PATJ: variants seen among roughly 807,000 people sequenced by gnomAD.
PATJ encodes the protein PATJ crumbs cell polarity complex component, also known as inaD-like protein.
Under a neutral mutation model 224.9 loss-of-function variants are expected in PATJ, and 190 were observed. The observed-to-expected ratio is 0.84, with a 90% CI of 0.75 to 0.95. The LOEUF is 0.95. Among genes scored for constraint, PATJ ranks in the 40% least tolerant of loss-of-function variants. PATJ has a pLI of 0.00. For missense variants in PATJ, 2,121 were observed against 2,270.3 expected, an observed-to-expected ratio of 0.93 and a Z score of 1.34; for synonymous variants, 769 against 820.3, an observed-to-expected ratio of 0.94 and a Z score of 1.07.
At chr1:61,800,053 AT>A (rs1208781238) in intron 11 of PATJ, among the ~76,000 whole-genome samples, 1 of 152,246 alleles carries the variant, frequency 6.6e-6, no homozygotes, top group African/African-American at 2.4e-5. Flanking sequence ...TGAAATAAAC[AT>A]ACAAGTACAT....
At chr1:62,114,942 G>A (rs1413793646) in intron 35 of PATJ, 1 of 151,472 alleles carries the variant, frequency 6.6e-6, no homozygotes, top group African/African-American at 2.4e-5. Flanking sequence ...AAAAAAGAAA[G>A]ATGTCCCCAA....
In PATJ at chr1:61,936,432, CAAAAA is replaced by C. The variant is rs11455787; in HGVS notation, c.3670+8618_3670+8622del. On this transcript the variant is annotated intron_variant, in intron 27 of 43. Coordinates refer to ENST00000642238, the MANE Select transcript of PATJ (RefSeq NM_001350145.3). ...CTCACCTCCTCTCCTCTTCCAAGAC[CAAAAA>C]AAAAAAAAAAAAAAGCCGGAAAGGA... Among the ~76,000 whole-genome samples, 6 of 92,718 alleles carry C rather than the reference CAAAAA, an allele frequency of 6.5e-5. No individual in the cohort carries two copies. In the East Asian group the frequency reaches 1.1e-3, roughly 18 times the overall value. 60.8% of individuals were successfully genotyped at this position (92,718 alleles called of 152,430 possible). A position where few individuals can be genotyped will look rare whatever the true frequency, so the allele number is the denominator to read the frequency against.
intron 6 of PATJ, among the ~76,000 whole-genome samples, chr1:61,772,929 T>C (rs1297185080): frequency 1.3e-5 from 2 of 152,252 alleles, no homozygotes; most frequent in Non-Finnish European, 1.5e-5. Flanking sequence ...GAATATTGGC[T>C]GCTATCAGCT....
Position 61,775,071 on chromosome 1 carries a change from T to C in PATJ, c.721-135T>C. 3 of 870,112 alleles carry C rather than the reference T, an allele frequency of 3.4e-6. No homozygotes were observed. In the South Asian group the frequency reaches 5.8e-5, roughly 17 times the overall value. 53.9% of individuals were successfully genotyped at this position (870,112 alleles called of 1,614,324 possible). On this transcript the variant is annotated intron_variant, in intron 6 of 43. Coordinates refer to ENST00000642238, the MANE Select transcript of PATJ (RefSeq NM_001350145.3). Reference sequence around the variant, plus strand: ...ATCTCTGTCTGTATATCTTAGCCTGTAGAACATTGCCTTGATTAATTGCAT... The same window carrying C: ...ATCTCTGTCTGTATATCTTAGCCTGCAGAACATTGCCTTGATTAATTGCAT...
chr1:61,776,916 G>A (rs531225849), intron 7 of PATJ, among the ~76,000 whole-genome samples: 89 of 152,008 alleles, frequency 5.9e-4, no homozygotes, highest in African/African-American at 1.9e-3. Flanking sequence ...TAGTAGAGAC[G>A]GGGTTTCACC....
Position 62,114,105 on chromosome 1 carries a change from T to C in PATJ, c.4514T>C (p.Leu1505Pro). Residue 1505 changes from leucine (L) to proline (P), a missense_variant, in exon 35 of 44, where the codon CTG becomes CCG. Leu to Pro is a moderately conservative substitution (Grantham distance 98, BLOSUM62 -3). Coordinates refer to ENST00000642238, the MANE Select transcript of PATJ (RefSeq NM_001350145.3). The part of the protein sequence containing the change: ...NSSHEEAITA[L>P]RQTPQKVRLV... ...AGCCACGAAGAAGCCATCACAGCCC[T>C]GAGGCAGACCCCCCAGAAGGTGCGG... 1.9e-6 allele frequency: 3 copies of C among 1,614,122 alleles called. No homozygotes were observed. Among genetic ancestry groups the C allele is most frequent in the Non-Finnish European group, 2.5e-6 (3 of 1,180,020 alleles).
rs374682946 is a variant in PATJ, at chr1:61,795,471, A to G, written c.1173A>G (p.Glu391=). Residue 391 remains glutamate, a synonymous_variant, in exon 10 of 44, where the codon GAA becomes GAG. Transcript: ENST00000642238. Reference sequence around the variant, plus strand: ...CGTATGTCTGTGCACCTTAAGGGGAAGCTTCAGGGATTTATGTGAAAAGTA... The same window carrying G: ...CGTATGTCTGTGCACCTTAAGGGGAGGCTTCAGGGATTTATGTGAAAAGTA... ...VGYVGTSHTG[E]ASGIYVKSII... The G allele has an allele frequency of 1.9e-6, 3 of 1,587,322 alleles. No homozygotes were observed. Among genetic ancestry groups the G allele is most frequent in the Non-Finnish European group, 2.6e-6 (3 of 1,162,334 alleles).
intron 30 of PATJ, among the ~76,000 whole-genome samples, chr1:62,046,763 A>T (rs181415299): frequency 6.6e-6 from 1 of 152,224 alleles, no homozygotes; most frequent in East Asian, 1.9e-4. Context: ...GAAAAGATAC[A>T]ATGGAACAAG....
At chr1:61,995,071 G>C (rs777521937) in intron 28 of PATJ, among the ~76,000 whole-genome samples, 14 of 152,286 alleles carry the variant, frequency 9.2e-5, no homozygotes, top group Non-Finnish European at 1.6e-4. Context: ...TTTATTTAAT[G>C]ATGAGTACCA....
intron 13 of PATJ, among the ~76,000 whole-genome samples, chr1:61,807,827 A>T (rs1653903004): frequency 6.6e-6 from 1 of 152,262 alleles, no homozygotes; most frequent in Non-Finnish European, 1.5e-5. Flanking sequence ...AACAAGTTAC[A>T]GATGCAAATC....
At chr1:62,101,724 G>A (rs1385051978) in intron 33 of PATJ, among the ~76,000 whole-genome samples, 2 of 152,142 alleles carry the variant, frequency 1.3e-5, no homozygotes, top group Non-Finnish European at 2.9e-5. Flanking sequence ...AGGTGTTTCA[G>A]ACAGACTGTT....
intron 31 of PATJ, among the ~76,000 whole-genome samples, chr1:62,060,035 CTG>C (rs1190793875): frequency 6.6e-6 from 1 of 152,096 alleles, no homozygotes; most frequent in Non-Finnish European, 1.5e-5. Context: ...TTAGATGTCT[CTG>C]TAAAACAAGA....
intron 31 of PATJ, among the ~76,000 whole-genome samples, chr1:62,055,749 A>G (rs926225116): frequency 6.6e-6 from 1 of 152,204 alleles, no homozygotes; most frequent in Non-Finnish European, 1.5e-5. Context: ...AAGCACAATT[A>G]CTAATGTATT....
rs570607617 is a variant in PATJ, at chr1:61,885,869, C to T, written c.3131+1461C>T. On this transcript the variant is annotated intron_variant, in intron 22 of 43. Coordinates refer to ENST00000642238, the MANE Select transcript of PATJ (RefSeq NM_001350145.3). ...GCCATAAAAAATGATGAGTTCATGTCCTTTGTAGGGACATGGATGAAATTG... is the reference window on the plus strand; with the variant it reads ...GCCATAAAAAATGATGAGTTCATGTTCTTTGTAGGGACATGGATGAAATTG... 7.1e-3 allele frequency among the ~76,000 whole-genome samples: 1,085 copies of T among 151,958 alleles called. 10 individuals carry two copies. The highest frequency in any genetic ancestry group is 0.025 in the African/African-American group (1,035 of 41,430).
intron 18 of PATJ, among the ~76,000 whole-genome samples, chr1:61,859,696 C>T (rs1045691564): frequency 3.3e-5 from 5 of 151,908 alleles, no homozygotes; most frequent in Non-Finnish European, 4.4e-5. Context: ...CTCAGCTCAC[C>T]GCAACCTCCG....
rs2148348686 is a variant in PATJ, at chr1:61,769,403, C to T, written c.505C>T (p.Pro169Ser). Residue 169 changes from proline to serine, a missense_variant, in exon 5 of 44, where the codon CCA (proline) becomes TCA (serine). Physicochemically the swap from Pro to Ser is moderately conservative, Grantham distance 74 (BLOSUM62 -1). Coordinates refer to ENST00000642238, the MANE Select transcript of PATJ (RefSeq NM_001350145.3). ...KVDIFVKDVQ[P>S]GSVADRDQRL... ...TGATATCTTCGTGAAGGATGTCCAGCCAGGGAGTGTAGCAGACAGGTGAGG... is the reference window on the plus strand; with the variant it reads ...TGATATCTTCGTGAAGGATGTCCAGTCAGGGAGTGTAGCAGACAGGTGAGG... The T allele has an allele frequency of 6.2e-7, 1 of 1,613,804 alleles. No individual in the cohort carries two copies. Among genetic ancestry groups the T allele is most frequent in the East Asian group, 2.2e-5 (1 of 44,870 alleles).
At chr1:62,140,840 T>C (rs1463655959) in intron 41 of PATJ, among the ~76,000 whole-genome samples, 1 of 150,990 alleles carries the variant, frequency 6.6e-6, no homozygotes, top group East Asian at 2.0e-4. Context: ...GTCCAGGAGT[T>C]CAAGGCTGCA....
intron 14 of PATJ, among the ~76,000 whole-genome samples, chr1:61,813,378 TACACACACAC>T (rs141533164): frequency 4.3e-5 from 2 of 46,348 alleles, no homozygotes; most frequent in East Asian, 6.5e-4. Flanking sequence ...TATATATATA[TACACACACAC>T]ACACACACAC....
chr1:62,112,438 G>A (rs1035355084), intron 34 of PATJ, among the ~76,000 whole-genome samples: 7 of 152,180 alleles, frequency 4.6e-5, no homozygotes, highest in Non-Finnish European at 1.0e-4. Flanking sequence ...ACCGGAAAGC[G>A]GAGGCTGCAA....
Sources: gnomAD v4.1 joint callset for allele counts (sites outside exome capture counted in the v4.1 genomes callset) on GRCh38, gnomAD v4.1.1 for gene constraint, MANE v1.5 for transcripts, NCBI Gene and HGNC (gene_info 2026-07-23, HGNC 2026-07-21) for gene names.